The following ANKRD7 variants were observed in gnomAD, a reference collection of about 807,000 sequenced individuals.
The protein encoded by ANKRD7 is ankyrin repeat domain-containing protein 7.
In ANKRD7, 30 loss-of-function variants were observed where a neutral mutation model predicts 30.8. That is an observed-to-expected ratio of 0.97 (90% CI 0.73 to 1.32). The LOEUF (loss-of-function observed/expected upper bound fraction) is 1.32, where lower values mean the gene tolerates loss of function less well. Ranked by LOEUF, ANKRD7 falls within the 40% of genes most tolerant of loss-of-function variation. ANKRD7 has a pLI of 0.00. For missense variants in ANKRD7, 264 were observed against 295.7 expected (o/e 0.89, Z 0.79); for synonymous variants, 97 against 106.6 (o/e 0.91, Z 0.55).
chr7:118,241,673 G>T (rs746380207), intron 6 of ANKRD7, among the ~76,000 whole-genome samples: 21 of 151,460 alleles, frequency 1.4e-4, no homozygotes, highest in Non-Finnish European at 2.7e-4. Context: ...CCAAGTAGTT[G>T]GGATTACAGG....
At chr7:118,227,038 T>C (rs927428569) in intron 1 of ANKRD7, among the ~76,000 whole-genome samples, 7 of 152,194 alleles carry the variant, frequency 4.6e-5, no homozygotes, top group African/African-American at 1.4e-4. Flanking sequence ...GTTACTCTTA[T>C]AGTTCCTTTG....
At chr7:118,240,398 T>C (rs1282620481) in intron 6 of ANKRD7, among the ~76,000 whole-genome samples, 2 of 151,322 alleles carry the variant, frequency 1.3e-5, no homozygotes, top group African/African-American at 4.9e-5. Context: ...CACCTATGAG[T>C]GAGAATATGC....
intron 1 of ANKRD7, chr7:118,227,856 CTA>C: frequency 7.6e-7 from 1 of 1,322,580 alleles, no homozygotes; most frequent in South Asian, 1.2e-5. Flanking sequence ...TAAGTGAAAA[CTA>C]TACAGTTAGG....
chr7:118,229,450 G>A (rs576616271), intron 1 of ANKRD7, among the ~76,000 whole-genome samples: 1 of 152,016 alleles, frequency 6.6e-6, no homozygotes, highest in South Asian at 2.1e-4. Flanking sequence ...TTTGTTTGCT[G>A]ATATATCCTC....
intron 1 of ANKRD7, among the ~76,000 whole-genome samples, chr7:118,231,319 A>G (rs1809635336): frequency 6.6e-6 from 1 of 152,046 alleles, no homozygotes; most frequent in African/African-American, 2.4e-5. Flanking sequence ...GAGATGTTTA[A>G]TGTCTCTCCT....
chr7:118,239,966 C>T lies in ANKRD7; in HGVS notation c.*5C>T. 1 of 1,585,930 alleles carries T rather than the reference C, an allele frequency of 6.3e-7. No homozygotes were observed. Among genetic ancestry groups the T allele is most frequent in the Middle Eastern group, 1.7e-4 (1 of 5,940 alleles). The stretch of plus-strand genomic sequence containing the variant: ...AAGAAGAAACATGCTAAATAGACAC[C>T]TTATTCTTGGCACTACATGTGACTA... On this transcript the variant is annotated 3_prime_UTR_variant, in exon 6 of 7. Coordinates refer to ENST00000265224, the MANE Select transcript of ANKRD7 (RefSeq NM_019644.4).
At chr7:118,232,138 A>G (rs2116006759) in intron 1 of ANKRD7, among the ~76,000 whole-genome samples, 1 of 152,234 alleles carries the variant, frequency 6.6e-6, no homozygotes. Flanking sequence ...AAGCATTTAC[A>G]TTATATGTGT....
intron 5 of ANKRD7, among the ~76,000 whole-genome samples, chr7:118,238,309 T>G (rs562915627): frequency 6.6e-6 from 1 of 152,076 alleles, no homozygotes; most frequent in Non-Finnish European, 1.5e-5. Flanking sequence ...TTTTTTTTTC[T>G]TTTTTTTCAA....
chr7:118,239,448 C>G (rs1268391979), intron 5 of ANKRD7, among the ~76,000 whole-genome samples: 1 of 152,116 alleles, frequency 6.6e-6, no homozygotes, highest in Admixed American at 6.5e-5. Flanking sequence ...GATCTCTAAT[C>G]TAAAGAACAG....
chr7:118,231,630 C>T lies in ANKRD7; in HGVS notation c.180-2801C>T, dbSNP rs188861377. On this transcript the variant is annotated intron_variant, in intron 1 of 6. Transcript: ENST00000265224. The stretch of plus-strand genomic sequence containing the variant: ...TACAGCTATGCCCTGGCCCTGTACT[C>T]TGTCTAGCAGATAACACTTTTCACT... 1.6e-4 allele frequency among the ~76,000 whole-genome samples: 24 copies of T among 152,240 alleles called. No homozygotes were observed. The East Asian group carries it at 4.6e-3, about 29-fold the overall frequency.
chr7:118,235,144 A>G (rs1490385437), intron 3 of ANKRD7, among the ~76,000 whole-genome samples: 1 of 152,184 alleles, frequency 6.6e-6, no homozygotes, highest in Non-Finnish European at 1.5e-5. Context: ...ACAAATGAGG[A>G]ATATTTAATT....
chr7:118,241,642 C>T lies in ANKRD7; in HGVS notation c.*38-707C>T, dbSNP rs961113157. On this transcript the variant is annotated intron_variant, in intron 6 of 6. Transcript: ENST00000265224. ...CCAATTTCTGCCTCCCGGGTTCAAGCGATTTTCCTGCCTCAGCCTCCCAAG... is the reference window on the plus strand; with the variant it reads ...CCAATTTCTGCCTCCCGGGTTCAAGTGATTTTCCTGCCTCAGCCTCCCAAG... Among the ~76,000 whole-genome samples the T allele has an allele frequency of 1.1e-4, 16 of 148,476 alleles. No homozygotes were observed. The Admixed American group carries it at 1.1e-3, about 10-fold the overall frequency.
At position 118,236,907 on chromosome 7, in the gene ANKRD7, T is replaced by A. The variant is rs1712069150; in HGVS notation, c.693T>A (p.Phe231Leu). The A allele has an allele frequency of 1.2e-6, 2 of 1,613,878 alleles. No individual in the cohort carries two copies. The highest frequency in any genetic ancestry group is 1.1e-5 in the South Asian group (1 of 91,062). The change falls in exon 5 of 7, where the codon TTT becomes TTA. Residue 231 changes from phenylalanine to leucine, a missense_variant. By Grantham distance (22) the Phe-to-Leu change is conservative. Transcript: ENST00000265224. The stretch of plus-strand genomic sequence containing the variant: ...TGGATTCACAGCTGAGGAATATGTT[T>A]ATTTCCATGGTTTTACTGCGTAAGT... ...GIVDSQLRNMFISMVLLHRYP... is the reference protein window; with the variant it reads ...GIVDSQLRNMLISMVLLHRYP...
rs962156921 is a variant in ANKRD7 at position 118,227,815 on chromosome 7, A to G, written c.179+2806A>G. The G allele has an allele frequency of 1.3e-5, 16 of 1,197,048 alleles. No homozygotes were observed. In the African/African-American group the frequency reaches 2.4e-4, roughly 18 times the overall value. The allele number at this position is 1,197,048 out of a possible 1,614,324, so 74.2% of individuals were successfully genotyped here. Reference sequence around the variant, plus strand: ...TTTGGGAGTTTTCAAGTCATAGGGTATGAAAAGCATCATCTTTCATCACAG... The same window carrying G: ...TTTGGGAGTTTTCAAGTCATAGGGTGTGAAAAGCATCATCTTTCATCACAG... On this transcript the variant is annotated intron_variant, in intron 1 of 6. Coordinates refer to ENST00000265224, the MANE Select transcript of ANKRD7 (RefSeq NM_019644.4).
chr7:118,239,559 C>A (rs1009333900), intron 5 of ANKRD7, among the ~76,000 whole-genome samples: 1 of 152,134 alleles, frequency 6.6e-6, no homozygotes. Context: ...GCCGACAGAA[C>A]CATGAGAAAA....
chr7:118,240,028 T>A, intron 6 of ANKRD7, 30 bp downstream of exon 6: 1 of 1,280,902 alleles, frequency 7.8e-7, no homozygotes, highest in South Asian at 2.2e-5. Flanking sequence ...TAGTGTTTTT[T>A]TCTTGTTGCT....
At chr7:118,231,840 G>T (rs960439757) in intron 1 of ANKRD7, among the ~76,000 whole-genome samples, 2 of 152,008 alleles carry the variant, frequency 1.3e-5, no homozygotes, top group Admixed American at 6.6e-5. Flanking sequence ...GAAACAAAAT[G>T]ACATCGGTTA....
intron 1 of ANKRD7, among the ~76,000 whole-genome samples, chr7:118,233,165 A>T (rs1372291062): frequency 6.6e-6 from 1 of 152,102 alleles, no homozygotes; most frequent in African/African-American, 2.4e-5. Context: ...AATTTAGACC[A>T]TGTTGTTTGA....
At chr7:118,230,275 C>T (rs991008595) in intron 1 of ANKRD7, among the ~76,000 whole-genome samples, 1 of 151,862 alleles carries the variant, frequency 6.6e-6, no homozygotes, top group Non-Finnish European at 1.5e-5. Flanking sequence ...ATAATAGACA[C>T]TAGGGACTCC....
Sources: allele counts gnomAD v4.1 joint callset (sites outside exome capture counted in the v4.1 genomes callset), GRCh38; gene constraint gnomAD v4.1.1; transcripts MANE v1.5; gene names NCBI Gene and HGNC (gene_info 2026-07-23, HGNC 2026-07-21).